The following MEGF10 variants were observed in gnomAD, a reference collection of about 807,000 sequenced individuals.
MEGF10 encodes multiple epidermal growth factor-like domains protein 10.
MEGF10 carries 86 observed loss-of-function variants against 147.5 expected under a neutral mutation model. That is an observed-to-expected ratio of 0.58 (90% CI 0.49 to 0.70). MEGF10 has a LOEUF of 0.70. Among genes scored for constraint, MEGF10 ranks in the 30% least tolerant of loss-of-function variants. The pLI, the probability that MEGF10 is intolerant of heterozygous loss-of-function variation, is 0.00. For synonymous variants in MEGF10, 478 were observed against 525.5 expected (o/e 0.91, Z 1.24); for missense variants, 1,329 against 1,487.3 (o/e 0.89, Z 1.75).
At chr5:127,358,999 G>T (rs1379634262) in intron 4 of MEGF10, among the ~76,000 whole-genome samples, 1 of 151,336 alleles carries the variant, frequency 6.6e-6, no homozygotes, top group African/African-American at 2.4e-5. Flanking sequence ...CCCACAGATG[G>T]TATTTCAATC....
At chr5:127,322,713 A>T (rs1004741427) in intron 1 of MEGF10, among the ~76,000 whole-genome samples, 2 of 152,222 alleles carry the variant, frequency 1.3e-5, no homozygotes, top group Admixed American at 1.3e-4. Context: ...TGTTAAAGTA[A>T]TCACATGATT....
At chr5:127,452,916 C>T (rs547024592) in intron 22 of MEGF10, among the ~76,000 whole-genome samples, 14 of 152,180 alleles carry the variant, frequency 9.2e-5, no homozygotes, top group Non-Finnish European at 1.6e-4. Context: ...CTCTTCACAA[C>T]CCAGATGCAA....
rs137909140 is a variant in MEGF10 at position 127,422,730 on chromosome 5, C to T, written c.1651C>T (p.His551Tyr). 5 of 1,613,940 alleles carry T rather than the reference C, an allele frequency of 3.1e-6. No homozygotes were observed. The African/African-American group carries it at 5.3e-5, about 17-fold the overall frequency. The change falls in exon 13 of 25, where the codon CAC becomes TAC. Residue 551 changes from histidine (H) to tyrosine (Y), a missense_variant. His to Tyr is a moderately conservative substitution (Grantham distance 83). This residue lies in a region of MEGF10 where 980 missense variants were observed against 1,085.9 expected (regional missense o/e 0.90). Transcript: ENST00000503335. The stretch of plus-strand genomic sequence containing the variant: ...CGACTGCAGCCACGCAGATGGCTGC[C>T]ACCCTACCACGGGCCATTGCCGCTG... ...RCDCSHADGC[H>Y]PTTGHCRCLP...
At chr5:127,398,931 C>A in intron 7 of MEGF10, 135 bp downstream of exon 7, 1 of 1,226,384 alleles carries the variant, frequency 8.2e-7, no homozygotes, top group Non-Finnish European at 1.1e-6. Flanking sequence ...ATTGGAAAGA[C>A]TCAAGCCATT....
At chr5:127,291,205 A>T (rs1265611661) in intron 1 of MEGF10, 149 bp downstream of exon 1, 2 of 152,244 alleles carry the variant, frequency 1.3e-5, no homozygotes, top group Non-Finnish European at 2.9e-5. Flanking sequence ...TGCGTTGTTC[A>T]TGCGCTTCTT....
chr5:127,385,701 T>A (rs1275348270), intron 5 of MEGF10, among the ~76,000 whole-genome samples: 1 of 152,248 alleles, frequency 6.6e-6, no homozygotes, highest in African/African-American at 2.4e-5. Flanking sequence ...ATTTGATATG[T>A]TATCCCACTG....
chr5:127,433,527 C>G lies in MEGF10; in HGVS notation c.1840+18C>G. 8 of 1,574,278 alleles carry G rather than the reference C, an allele frequency of 5.1e-6. No individual in the cohort carries two copies. The highest frequency in any genetic ancestry group is 6.9e-6 in the Non-Finnish European group (8 of 1,159,266). On this transcript the variant is annotated intron_variant, in intron 14 of 24. Transcript: ENST00000503335. ...TCAGAGGAGTAAGTGTCTCATTAGG[C>G]AGTAATTTCCACCTTCCCTTCCCTG...
At position 127,438,379 on chromosome 5, in the gene MEGF10, T is replaced by G. The variant is rs953810880; in HGVS notation, c.2105-60T>G. The stretch of plus-strand genomic sequence containing the variant: ...GGAGATGTGTAGAGGTGGATGGAAT[T>G]CTCCCTACTTAGTATTGGCCTCAGA... On this transcript the variant is annotated intron_variant, in intron 16 of 24. Coordinates refer to ENST00000503335, the MANE Select transcript of MEGF10 (RefSeq NM_001256545.2). 11 of 1,582,262 alleles carry G rather than the reference T, an allele frequency of 7.0e-6. No individual in the cohort carries two copies. The African/African-American group carries it at 1.3e-4, about 19-fold the overall frequency.
chr5:127,287,620 G>T (rs1386579932), upstream of MEGF10, among the ~76,000 whole-genome samples: 1 of 151,948 alleles, frequency 6.6e-6, no homozygotes, highest in African/African-American at 2.4e-5. Context: ...ATGTTCATAG[G>T]TTAGAGGAAT....
chr5:127,440,711 A>G, intron 17 of MEGF10, 28 bp from the exon 18 acceptor site: 1 of 1,610,856 alleles, frequency 6.2e-7, no homozygotes, highest in East Asian at 2.2e-5. Context: ...CAGCCTCTTG[A>G]CTCCTACTGT....
intron 1 of MEGF10, among the ~76,000 whole-genome samples, chr5:127,309,947 C>CTCTTTCCTTCCTTCTTTCTT (rs1554088995): frequency 3.3e-5 from 3 of 90,460 alleles, no homozygotes; most frequent in African/African-American, 1.3e-4. Context: ...TCCTTGCCAA[C>CTCTTTCCTTCCTTCTTTCTT]TCTTTCTTTC....
chr5:127,419,383 T>C, intron 11 of MEGF10, 143 bp downstream of exon 11: 1 of 981,792 alleles, frequency 1.0e-6, no homozygotes. Flanking sequence ...TCATCCAGTA[T>C]GGGCTGGAAC....
At chr5:127,229,806 G>C in the MEGF10 span, 5 of 152,120 alleles carry the variant, frequency 3.3e-5, no homozygotes, top group East Asian at 9.8e-4. Context: ...GGTGGAGCGA[G>C]GGGAGCGAGC....
intron 17 of MEGF10, among the ~76,000 whole-genome samples, chr5:127,439,394 A>T (rs1384925284): frequency 6.7e-6 from 1 of 149,454 alleles, no homozygotes; most frequent in Admixed American, 6.8e-5. Context: ...AGGAGGACAG[A>T]TGGGTCTGAA....
chr5:127,423,101 C>T (rs76418346), intron 13 of MEGF10, among the ~76,000 whole-genome samples: 2,836 of 152,156 alleles, frequency 0.019, 54 homozygotes, highest in South Asian at 0.079. Flanking sequence ...TTGAAATAAA[C>T]CCTAAAAATA....
intron 22 of MEGF10, among the ~76,000 whole-genome samples, chr5:127,451,968 A>G (rs1425074307): frequency 1.3e-5 from 2 of 152,220 alleles, no homozygotes; most frequent in African/African-American, 4.8e-5. Context: ...GCACTGGGCC[A>G]GTCACTTACC....
chr5:127,374,481 C>T (rs186957385), intron 5 of MEGF10, among the ~76,000 whole-genome samples: 4 of 151,838 alleles, frequency 2.6e-5, no homozygotes, highest in Non-Finnish European at 4.4e-5. Flanking sequence ...TTCCTATATG[C>T]ACCCTCCACA....
intron 1 of MEGF10, among the ~76,000 whole-genome samples, chr5:127,330,189 A>G (rs1761197770): frequency 6.6e-6 from 1 of 152,082 alleles, no homozygotes; most frequent in Non-Finnish European, 1.5e-5. Context: ...GAGCCACTCC[A>G]CTTCCTGCAA....
At chr5:127,273,546 A>G in the MEGF10 span, among the ~76,000 whole-genome samples, 1 of 152,254 alleles carries the variant, frequency 6.6e-6, no homozygotes, top group Non-Finnish European at 1.5e-5. Flanking sequence ...TATATATGTT[A>G]AAGATACAGA....
Sources: allele counts gnomAD v4.1 joint callset (sites outside exome capture counted in the v4.1 genomes callset), GRCh38; gene constraint gnomAD v4.1.1; regional missense constraint gnomAD v4.1.1; transcripts MANE v1.5; gene names NCBI Gene and HGNC (gene_info 2026-07-23, HGNC 2026-07-21).